Variants in FILIP1 observed in about 807,000 individuals in gnomAD.
FILIP1 encodes the protein filamin-A-interacting protein 1.
A neutral mutation model predicts 102.1 loss-of-function variants in FILIP1; 61 were observed. The observed-to-expected ratio is 0.60, with a 90% CI of 0.49 to 0.74. The LOEUF is 0.74. Ranked by LOEUF, FILIP1 falls within the 30% of genes least tolerant of loss-of-function variation. The probability of loss-of-function intolerance (pLI) is 0.00; values close to 1 mark genes in which losing one functional copy is unlikely to be tolerated. For synonymous variants in FILIP1, 491 were observed against 526.9 expected (o/e 0.93, Z 0.93); for missense variants, 1,314 against 1,441.2 (o/e 0.91, Z 1.43).
At chr6:75,418,052 G>C (rs1288613208) in intron 1 of FILIP1, among the ~76,000 whole-genome samples, 4 of 152,186 alleles carry the variant, frequency 2.6e-5, no homozygotes, top group Non-Finnish European at 5.9e-5. Context: ...ACAAAAATTA[G>C]CTGGGCATGG....
At chr6:75,468,130 C>T (rs189718705) in intron 1 of FILIP1, among the ~76,000 whole-genome samples, 1 of 152,174 alleles carries the variant, frequency 6.6e-6, no homozygotes, top group Non-Finnish European at 1.5e-5. Context: ...GCATCCTCAT[C>T]CCCTCCCATA....
chr6:75,402,978 C>A (rs1776707866), intron 2 of FILIP1, among the ~76,000 whole-genome samples: 1 of 152,094 alleles, frequency 6.6e-6, no homozygotes, highest in Non-Finnish European at 1.5e-5. Flanking sequence ...ATATGCCTAA[C>A]CCTTTTCTAG....
intron 1 of FILIP1, among the ~76,000 whole-genome samples, chr6:75,415,533 G>GAAAAAAAAAAAA: frequency 1.3e-5 from 1 of 78,762 alleles, no homozygotes. Context: ...TCACAGTGTG[G>GAAAAAAAAAAAA]AAAAAAAAAA....
At chr6:75,401,630 G>A (rs1265210324) in intron 2 of FILIP1, among the ~76,000 whole-genome samples, 1 of 152,004 alleles carries the variant, frequency 6.6e-6, no homozygotes, top group African/African-American at 2.4e-5. Context: ...GTGTCTAATG[G>A]CTACCCTACA....
intron 1 of FILIP1, among the ~76,000 whole-genome samples, chr6:75,481,938 T>C (rs1779659379): frequency 6.6e-6 from 1 of 152,222 alleles, no homozygotes; most frequent in Non-Finnish European, 1.5e-5. Context: ...TTAAATTAGA[T>C]GATTTTAATC....
chr6:75,449,678 A>G (rs1778556871), intron 1 of FILIP1, among the ~76,000 whole-genome samples: 1 of 152,066 alleles, frequency 6.6e-6, no homozygotes, highest in Non-Finnish European at 1.5e-5. Context: ...CAAGAGTAGG[A>G]CATTGAAGGA....
intron 4 of FILIP1, chr6:75,334,640 T>G (rs1215427269): frequency 6.6e-6 from 1 of 152,156 alleles, no homozygotes; most frequent in Non-Finnish European, 1.5e-5. Context: ...TTGACTTCCT[T>G]ACCTTAATAC....
At chr6:75,464,786 C>T (rs941559164) in intron 1 of FILIP1, among the ~76,000 whole-genome samples, 2 of 152,170 alleles carry the variant, frequency 1.3e-5, no homozygotes, top group Non-Finnish European at 2.9e-5. Context: ...TGGTCTTACC[C>T]GCTATCTGGT....
chr6:75,456,390 T>C (rs1033207350), intron 1 of FILIP1, among the ~76,000 whole-genome samples: 14 of 152,298 alleles, frequency 9.2e-5, no homozygotes, highest in African/African-American at 2.9e-4. Flanking sequence ...TTTTGGCATC[T>C]AGCATATATT....
At chr6:75,433,140 A>G (rs560226991) in intron 1 of FILIP1, among the ~76,000 whole-genome samples, 85 of 152,312 alleles carry the variant, frequency 5.6e-4, no homozygotes, top group Admixed American at 1.2e-3. Context: ...ATAAACATAC[A>G]TGTGCATGTG....
chr6:75,331,452 C>T (rs1465038127), intron 4 of FILIP1, among the ~76,000 whole-genome samples: 2 of 152,116 alleles, frequency 1.3e-5, no homozygotes, highest in Non-Finnish European at 2.9e-5. Flanking sequence ...GGCAGAATGT[C>T]TCCTCCCCGT....
At chr6:75,468,474 T>C (rs751734377) in intron 1 of FILIP1, among the ~76,000 whole-genome samples, 4 of 152,182 alleles carry the variant, frequency 2.6e-5, no homozygotes, top group African/African-American at 9.6e-5. Context: ...TATTGAAATA[T>C]TGATCTTTTA....
chr6:75,437,463 T>C (rs1227835009), intron 1 of FILIP1, among the ~76,000 whole-genome samples: 1 of 152,212 alleles, frequency 6.6e-6, no homozygotes, highest in Non-Finnish European at 1.5e-5. Flanking sequence ...CTCACAATCC[T>C]CATTTCAGCA....
At chr6:75,469,417 A>G (rs1779267857) in intron 1 of FILIP1, among the ~76,000 whole-genome samples, 1 of 152,008 alleles carries the variant, frequency 6.6e-6, no homozygotes, top group Admixed American at 6.6e-5. Context: ...AAATCAATCC[A>G]ACAAAGACAG....
rs1773324188 is a variant in FILIP1, at chr6:75,314,000, G to A, written c.1832C>T (p.Thr611Ile). Residue 611 changes from threonine to isoleucine, a missense_variant, in exon 5 of 6, where the codon ACA (threonine) becomes ATA (isoleucine). Around this residue, in one of 3 missense-constraint regions of FILIP1, gnomAD observed 816 missense variants for 913.1 expected, o/e 0.89. Transcript: ENST00000237172. The surrounding 1 kb of genome is among the most constrained non-coding windows in gnomAD (Gnocchi z 4.2). ...AGACCCTTTTCGTGACCTTCCTCTTGTTATTTCTCTTTCCACTTCCTCTAT... is the reference window on the plus strand; with the variant it reads ...AGACCCTTTTCGTGACCTTCCTCTTATTATTTCTCTTTCCACTTCCTCTAT... Reference protein sequence around the residue: ...DGIEEVEREITRGRSRKGSEL... With the variant: ...DGIEEVEREIIRGRSRKGSEL... 8 of 1,559,716 alleles carry A rather than the reference G, an allele frequency of 5.1e-6. No individual in the cohort carries two copies. The highest frequency in any genetic ancestry group is 6.9e-6 in the Non-Finnish European group (8 of 1,159,570).
chr6:75,413,707 A>G (rs1208277988), intron 2 of FILIP1, among the ~76,000 whole-genome samples: 1 of 151,962 alleles, frequency 6.6e-6, no homozygotes. Context: ...TATTCCTTCA[A>G]AGGCTCATGC....
At chr6:75,471,839 C>T (rs1779341416) in intron 1 of FILIP1, among the ~76,000 whole-genome samples, 3 of 152,034 alleles carry the variant, frequency 2.0e-5, no homozygotes, top group African/African-American at 7.2e-5. Context: ...AAAATACATA[C>T]ATAGATATCT....
chr6:75,455,426 G>A (rs920932898), intron 1 of FILIP1: 5 of 151,754 alleles, frequency 3.3e-5, no homozygotes, highest in Non-Finnish European at 7.4e-5. Flanking sequence ...TTTTTATTGC[G>A]ATGTCCAAAC....
At chr6:75,422,244 C>T (rs926438766) in intron 1 of FILIP1, among the ~76,000 whole-genome samples, 1 of 151,920 alleles carries the variant, frequency 6.6e-6, no homozygotes, top group East Asian at 1.9e-4. Context: ...ACTGTCACTA[C>T]TAGACATAGC....
Sources: gnomAD v4.1 joint callset for allele counts (sites outside exome capture counted in the v4.1 genomes callset) on GRCh38, gnomAD v4.1.1 for gene constraint, gnomAD v4.1.1 regional missense constraint, Gnocchi (gnomAD v3.1) non-coding constraint, MANE v1.5 for transcripts, NCBI Gene and HGNC (gene_info 2026-07-23, HGNC 2026-07-21) for gene names.